The following NUDT4 variants were observed in gnomAD, a reference collection of about 807,000 sequenced individuals.
The protein encoded by NUDT4 is diphosphoinositol polyphosphate phosphohydrolase 2.
Under a neutral mutation model 23.1 loss-of-function variants are expected in NUDT4, and 5 were observed. The observed-to-expected ratio is 0.22, with a 90% confidence interval of 0.11 to 0.46. NUDT4 has a LOEUF of 0.46. NUDT4 is among the 20% of genes least tolerant of loss of function. NUDT4 has a pLI of 0.99. For synonymous variants in NUDT4, 50 were observed against 79.0 expected, an observed-to-expected ratio of 0.63 and a Z score of 1.95; for missense variants, 96 against 211.6, an observed-to-expected ratio of 0.45 and a Z score of 3.39.
chr12:93,398,415 G>A (rs1292808663), intron 3 of NUDT4, among the ~76,000 whole-genome samples: 2 of 151,844 alleles, frequency 1.3e-5, no homozygotes, highest in Non-Finnish European at 2.9e-5. Flanking sequence ...CTGGAGGCTG[G>A]GTCCTCATAC....
intron 1 of NUDT4, among the ~76,000 whole-genome samples, chr12:93,392,240 GTT>G (rs113092076): frequency 8.9e-6 from 1 of 112,646 alleles, no homozygotes; most frequent in Admixed American, 9.1e-5. Context: ...ATATTCCTTT[GTT>G]TCCCCCCCCC....
chr12:93,393,338 A>G (rs1238163161), intron 1 of NUDT4, among the ~76,000 whole-genome samples: 6 of 152,134 alleles, frequency 3.9e-5, no homozygotes, highest in African/African-American at 1.4e-4. Flanking sequence ...TCCTGACCTC[A>G]GGTGATCGCC....
chr12:93,382,559 T>C (rs908816416), intron 1 of NUDT4, among the ~76,000 whole-genome samples: 1 of 152,056 alleles, frequency 6.6e-6, no homozygotes, highest in African/African-American at 2.4e-5. Flanking sequence ...CAACAGTCAG[T>C]CCACCCTTTT....
chr12:93,396,832 C>T (rs1006884678), intron 3 of NUDT4, among the ~76,000 whole-genome samples: 1 of 152,224 alleles, frequency 6.6e-6, no homozygotes, highest in South Asian at 2.1e-4. Context: ...ATGGCTTGAA[C>T]CCGGGAGGTG....
chr12:93,406,419 C>CCCATTCT lies in NUDT4; in HGVS notation c.*7045_*7051dup, dbSNP rs1178206390. 1 of 151,982 alleles carries CCCATTCT rather than the reference C, an allele frequency of 6.6e-6. No individual in the cohort carries two copies. The highest frequency in any genetic ancestry group is 1.5e-5 in the Non-Finnish European group (1 of 68,018). 9.4% of individuals were successfully genotyped at this position (151,982 alleles called of 1,614,324 possible). On this transcript the variant is annotated 3_prime_UTR_variant, in exon 5 of 5. Coordinates refer to ENST00000415493, the MANE Select transcript of NUDT4 (RefSeq NM_019094.6). The stretch of plus-strand genomic sequence containing the variant: ...ATGTCTTTTAGGACAGATTTCCTTC[C>CCCATTCT]CCATTCTCCATCAAACAACCATAGC...
At chr12:93,394,571 C>T in intron 1 of NUDT4, 38 bp from the exon 2 acceptor site, 5 of 1,196,096 alleles carry the variant, frequency 4.2e-6, no homozygotes, top group Non-Finnish European at 6.1e-6. Context: ...CGAAGTGCTT[C>T]TCAGGCTGGA....
intron 1 of NUDT4, among the ~76,000 whole-genome samples, chr12:93,390,678 C>T (rs962706247): frequency 2.0e-5 from 3 of 152,128 alleles, no homozygotes; most frequent in African/African-American, 7.3e-5. Flanking sequence ...GATCACAGCT[C>T]ACTGTAACCT....
chr12:93,385,941 T>TTATATATATATATATATATATATA (rs371683658), intron 1 of NUDT4, among the ~76,000 whole-genome samples: 20 of 104,580 alleles, frequency 1.9e-4, no homozygotes, highest in African/African-American at 6.9e-4. Flanking sequence ...GTAAATCTTT[T>TTATATATATATATATATATATATA]TATATATATA....
chr12:93,397,646 C>T (rs977692972), intron 3 of NUDT4, among the ~76,000 whole-genome samples: 2 of 152,114 alleles, frequency 1.3e-5, no homozygotes, highest in African/African-American at 4.8e-5. Context: ...TCACTTCAGC[C>T]TCCCAAGTAG....
rs1277240366 is a variant in NUDT4, at chr12:93,404,396, C to G, written c.*5017C>G. ...GTAAGGATCTGAGTGGAAACTGATA[C>G]AGCCTGTCGGAGAGCTACTGAGTAG... is the stretch of plus-strand genomic sequence containing the variant. On this transcript the variant is annotated 3_prime_UTR_variant, in exon 5 of 5. Transcript: ENST00000415493. 6.6e-6 allele frequency: 1 copy of G among 152,214 alleles called. No individual in the cohort carries two copies. Among genetic ancestry groups the G allele is most frequent in the Non-Finnish European group, 1.5e-5 (1 of 68,036 alleles). The allele number at this position is 152,214 out of a possible 1,614,324, so 9.4% of individuals were successfully genotyped here.
chr12:93,403,902 C>G lies in NUDT4; in HGVS notation c.*4523C>G, dbSNP rs1045682347. The G allele has an allele frequency of 3.3e-5, 5 of 152,188 alleles. No individual in the cohort carries two copies. Among genetic ancestry groups the G allele is most frequent in the Middle Eastern group, 3.2e-3 (1 of 316 alleles). 9.4% of individuals were successfully genotyped at this position (152,188 alleles called of 1,614,324 possible). On this transcript the variant is annotated 3_prime_UTR_variant, in exon 5 of 5. Coordinates refer to ENST00000415493, the MANE Select transcript of NUDT4 (RefSeq NM_019094.6). ...GCAAGCAAGACATTATAGCAAAGACCTAAACACTCAAAGGTTCAACGTCTT... is the reference window on the plus strand; with the variant it reads ...GCAAGCAAGACATTATAGCAAAGACGTAAACACTCAAAGGTTCAACGTCTT...
chr12:93,402,892 C>T lies in NUDT4; in HGVS notation c.*3513C>T, dbSNP rs1449302063. 3 of 152,166 alleles carry T rather than the reference C, an allele frequency of 2.0e-5. No homozygotes were observed. Among genetic ancestry groups the T allele is most frequent in the Admixed American group, 6.5e-5 (1 of 15,272 alleles). 9.4% of individuals were successfully genotyped at this position (152,166 alleles called of 1,614,324 possible). On this transcript the variant is annotated 3_prime_UTR_variant, in exon 5 of 5. Transcript: ENST00000415493. ...CCTAAAACATACTGCTGCCAAAGAC[C>T]AACTGTAGAATCCTTAAGTCCTGTT...
intron 1 of NUDT4, among the ~76,000 whole-genome samples, chr12:93,381,749 C>T (rs553053371): frequency 6.6e-6 from 1 of 152,300 alleles, no homozygotes; most frequent in Admixed American, 6.5e-5. Flanking sequence ...TGCAACACTT[C>T]AAATGTAAGG....
At chr12:93,387,532 G>A (rs1047502972) in intron 1 of NUDT4, among the ~76,000 whole-genome samples, 1 of 152,198 alleles carries the variant, frequency 6.6e-6, no homozygotes, top group African/African-American at 2.4e-5. Flanking sequence ...CTGAACAATA[G>A]AGCAGGTGTG....
rs1223638756 is a variant in NUDT4, at chr12:93,398,610, A to AT, written c.256-161_256-160insT. 3.3e-5 allele frequency among the ~76,000 whole-genome samples: 5 copies of AT among 152,296 alleles called. No individual in the cohort carries two copies. The East Asian group carries it at 9.6e-4, about 29-fold the overall frequency. On this transcript the variant is annotated intron_variant, in intron 3 of 4. Coordinates refer to ENST00000415493, the MANE Select transcript of NUDT4 (RefSeq NM_019094.6). ...ACTTTTAAATGTTTTGTCTTATATA[A>AT]AGTCACTTTTGTGTTGGACTGTACA...
chr12:93,398,354 A>G (rs1020800000), intron 3 of NUDT4, among the ~76,000 whole-genome samples: 3 of 150,720 alleles, frequency 2.0e-5, no homozygotes, highest in African/African-American at 2.5e-5. Context: ...AAAAAAAAAA[A>G]AAAAAGAAAA....
intron 1 of NUDT4, among the ~76,000 whole-genome samples, chr12:93,387,683 G>C (rs776720685): frequency 3.9e-5 from 6 of 152,036 alleles, no homozygotes; most frequent in Non-Finnish European, 8.8e-5. Flanking sequence ...CATCTGTACT[G>C]GTCTAGATCT....
chr12:93,382,674 C>CTTTTT lies in NUDT4; in HGVS notation c.99+4269_99+4273dup, dbSNP rs11315217. On this transcript the variant is annotated intron_variant, in intron 1 of 4. Coordinates refer to ENST00000415493, the MANE Select transcript of NUDT4 (RefSeq NM_019094.6). Reference sequence around the variant, plus strand: ...AAAATAAGTACTATCCAAAGGTAGCCTTTTTTTTTTTTTTTTTTTTGAGAC... The same window carrying CTTTTT: ...AAAATAAGTACTATCCAAAGGTAGCCTTTTTTTTTTTTTTTTTTTTTTTTTGAGAC... Among the ~76,000 whole-genome samples the CTTTTT allele has an allele frequency of 5.4e-3, 605 of 111,604 alleles. 13 individuals carry two copies. The highest frequency in any genetic ancestry group is 0.025 in the East Asian group (86 of 3,502). The allele number at this position is 111,604 out of a possible 152,430, so 73.2% of individuals were successfully genotyped here. A position where few individuals can be genotyped will look rare whatever the true frequency, so the allele number is the denominator to read the frequency against.
chr12:93,405,114 A>T lies in NUDT4; in HGVS notation c.*5735A>T, dbSNP rs1318919348. The stretch of plus-strand genomic sequence containing the variant: ...CTCAGTCCTGATGTGTCCTGTTAAA[A>T]CCTAAGAGAAACAGCACCAAGTTCA... On this transcript the variant is annotated 3_prime_UTR_variant, in exon 5 of 5. Coordinates refer to ENST00000415493, the MANE Select transcript of NUDT4 (RefSeq NM_019094.6). The T allele has an allele frequency of 6.6e-6, 1 of 152,112 alleles. No individual in the cohort carries two copies. The highest frequency in any genetic ancestry group is 2.4e-5 in the African/African-American group (1 of 41,412). The allele number at this position is 152,112 out of a possible 1,614,324, so 9.4% of individuals were successfully genotyped here. A position where few individuals can be genotyped will look rare whatever the true frequency, so the allele number is the denominator to read the frequency against.
Sources: allele counts gnomAD v4.1 joint callset (sites outside exome capture counted in the v4.1 genomes callset), GRCh38; gene constraint gnomAD v4.1.1; transcripts MANE v1.5; gene names NCBI Gene and HGNC (gene_info 2026-07-23, HGNC 2026-07-21).